RSAD2: variants seen among roughly 807,000 people sequenced by gnomAD.
The protein encoded by RSAD2 is radical S-adenosyl methionine domain containing 2.
Under a neutral mutation model 37.7 loss-of-function variants are expected in RSAD2, and 38 were observed. The ratio of observed to expected loss-of-function variants is 1.01; its 90% confidence interval spans 0.78 to 1.32. The LOEUF (loss-of-function observed/expected upper bound fraction) is 1.32, where lower values mean the gene tolerates loss of function less well. RSAD2 is among the 40% of genes most tolerant of loss of function. RSAD2 has a pLI of 0.00. For synonymous variants in RSAD2, 163 were observed against 157.4 expected, an observed-to-expected ratio of 1.04 and a Z score of -0.27; for missense variants, 428 against 437.5, an observed-to-expected ratio of 0.98 and a Z score of 0.19.
Position 6,878,102 on chromosome 2 carries a change from C to T in RSAD2, c.302C>T (p.Pro101Leu), listed in dbSNP as rs768212420. The change falls in exon 1 of 6, where the codon CCC becomes CTC. Residue 101 changes from proline (P) to leucine (L), a missense_variant. By Grantham distance (98) the Pro-to-Leu change is moderately conservative. Coordinates refer to ENST00000382040, the MANE Select transcript of RSAD2 (RefSeq NM_080657.5). Reference protein sequence around the residue: ...FHTAKTSFVLPLEEAKRGLLL... With the variant: ...FHTAKTSFVLLLEEAKRGLLL... ...ACAGCCAAAACATCCTTTGTGCTGC[C>T]CCTTGAGGAAGCAAAGAGAGGATTG... 77 of 1,614,006 alleles carry T rather than the reference C, an allele frequency of 4.8e-5. No individual in the cohort carries two copies. In the South Asian group the frequency reaches 6.1e-4, roughly 13 times the overall value.
At chr2:6,882,186 C>T (rs954534792) in intron 1 of RSAD2, among the ~76,000 whole-genome samples, 23 of 152,050 alleles carry the variant, frequency 1.5e-4, no homozygotes, top group African/African-American at 4.6e-4. Context: ...TTGTGCCATA[C>T]TGAAATTTGA....
chr2:6,878,188 C>A, intron 1 of RSAD2, 42 bp downstream of exon 1: 1 of 1,552,908 alleles, frequency 6.4e-7, no homozygotes, highest in African/African-American at 1.4e-5. Flanking sequence ...TTCTCAACCA[C>A]TGGGCAGTGG....
At chr2:6,878,356 G>T (rs1052310063) in intron 1 of RSAD2, among the ~76,000 whole-genome samples, 19 of 152,118 alleles carry the variant, frequency 1.2e-4, no homozygotes, top group African/African-American at 4.1e-4. Flanking sequence ...TCACAGAATT[G>T]GGCTGGAACA....
Position 6,896,490 on chromosome 2 carries a change from A to G in RSAD2, c.*548A>G, listed in dbSNP as rs4669114. On this transcript the variant is annotated 3_prime_UTR_variant, in exon 6 of 6. Transcript: ENST00000382040. The stretch of plus-strand genomic sequence containing the variant: ...GATAACCAGTTTTCACATCTGAGAC[A>G]TTACAAAGTATCTGCCTCAATTATT... 0.09 allele frequency: 13,594 copies of G among 150,554 alleles called. 659 individuals carry two copies. The highest frequency in any genetic ancestry group is 0.12 in the South Asian group (576 of 4,778). The allele number at this position is 150,554 out of a possible 1,614,324, so 9.3% of individuals were successfully genotyped here. A position where few individuals can be genotyped will look rare whatever the true frequency, so the allele number is the denominator to read the frequency against.
intron 1 of RSAD2, among the ~76,000 whole-genome samples, chr2:6,868,826 T>A (rs1016520422): frequency 2.0e-5 from 3 of 152,170 alleles, no homozygotes; most frequent in Non-Finnish European, 2.9e-5. Flanking sequence ...CACAGGAGCC[T>A]CAAACCATGA....
At chr2:6,883,148 C>G (rs77576140) in intron 1 of RSAD2, among the ~76,000 whole-genome samples, 1 of 152,162 alleles carries the variant, frequency 6.6e-6, no homozygotes, top group African/African-American at 2.4e-5. Context: ...CTGAGCAAGT[C>G]TATTCATCTG....
chr2:6,881,880 T>C (rs531235346), intron 1 of RSAD2, among the ~76,000 whole-genome samples: 1 of 151,632 alleles, frequency 6.6e-6, no homozygotes, highest in East Asian at 2.0e-4. Flanking sequence ...CCCATCCTCC[T>C]AAAATGCAGG....
In RSAD2 at chr2:6,866,055, T is replaced by C. The variant is rs1039722620; in HGVS notation, c.142+10T>C. The C allele has an allele frequency of 1.7e-5, 5 of 302,544 alleles. No homozygotes were observed. In the Middle Eastern group the frequency reaches 1.6e-3, roughly 100 times the overall value. 18.7% of individuals were successfully genotyped at this position (302,544 alleles called of 1,614,324 possible). ...CGCCGTCGGCCCCAAGGTAGCTCCG[T>C]GTGCGTTCTGCGGGTGGCTGGCGGC... On this transcript the variant is annotated intron_variant, in intron 1 of 5. Transcript: ENST00000442639.
intron 4 of RSAD2, among the ~76,000 whole-genome samples, chr2:6,892,068 T>A (rs777092718): frequency 6.6e-6 from 1 of 152,254 alleles, no homozygotes; most frequent in Non-Finnish European, 1.5e-5. Flanking sequence ...TTCACCTTTA[T>A]AACTTTTTGA....
In RSAD2 at chr2:6,896,981, T is replaced by C. The variant is rs1449061009; in HGVS notation, c.*1039T>C. On this transcript the variant is annotated 3_prime_UTR_variant, in exon 6 of 6. Transcript: ENST00000382040. Reference sequence around the variant, plus strand: ...ATATCCTAAAATCACGCTGGAACCTTGGGCAAGGAAGAATGTGAGCAAGAG... The same window carrying C: ...ATATCCTAAAATCACGCTGGAACCTCGGGCAAGGAAGAATGTGAGCAAGAG... The C allele has an allele frequency of 2.0e-5, 3 of 152,194 alleles. No homozygotes were observed. The highest frequency in any genetic ancestry group is 1.3e-4 in the Admixed American group (2 of 15,274). The allele number at this position is 152,194 out of a possible 1,614,324, so 9.4% of individuals were successfully genotyped here.
At chr2:6,889,128 G>A (rs1012778823) in intron 3 of RSAD2, among the ~76,000 whole-genome samples, 4 of 152,038 alleles carry the variant, frequency 2.6e-5, no homozygotes, top group African/African-American at 9.7e-5. Context: ...AAAGTCCCTG[G>A]AAAAAAATGC....
intron 4 of RSAD2, among the ~76,000 whole-genome samples, 188 bp from the exon 5 acceptor site, chr2:6,893,483 T>C (rs1663670874): frequency 6.6e-6 from 1 of 152,214 alleles, no homozygotes; most frequent in Non-Finnish European, 1.5e-5. Context: ...AGGCCTGCTG[T>C]GATCTGTTGA....
intron 1 of RSAD2, chr2:6,878,800 G>A: frequency 1.7e-6 from 2 of 1,190,960 alleles, no homozygotes; most frequent in Non-Finnish European, 2.1e-6. Context: ...TTCCGTCCTT[G>A]TCTTCCTGTC....
intron 3 of RSAD2, among the ~76,000 whole-genome samples, chr2:6,887,695 T>G (rs974369486): frequency 1.6e-4 from 25 of 152,238 alleles, no homozygotes; most frequent in African/African-American, 4.1e-4. Context: ...TCCCACTCTG[T>G]GCAGACATCA....
chr2:6,890,280 G>A lies in RSAD2; in HGVS notation c.843G>A (p.Glu281=), dbSNP rs1277868927. Residue 281 remains glutamate (E), a synonymous_variant, in exon 4 of 6, where the codon GAG becomes GAA. Coordinates refer to ENST00000382040, the MANE Select transcript of RSAD2 (RefSeq NM_080657.5). ...ATGAAGAATTTGAAAGATTCTTGGA[G>A]CGCCACAAAGAAGTGTCCTGCTTGG... The part of the protein sequence containing the change: ...IGDEEFERFL[E]RHKEVSCLVP... 6 of 1,614,208 alleles carry A rather than the reference G, an allele frequency of 3.7e-6. No homozygotes were observed. Among genetic ancestry groups the A allele is most frequent in the Non-Finnish European group, 5.1e-6 (6 of 1,180,030 alleles).
chr2:6,896,029 T>C lies in RSAD2; in HGVS notation c.*87T>C. 7.4e-7 allele frequency: 1 copy of C among 1,347,872 alleles called. No homozygotes were observed. Among genetic ancestry groups the C allele is most frequent in the South Asian group, 1.5e-5 (1 of 66,922 alleles). 83.5% of individuals were successfully genotyped at this position (1,347,872 alleles called of 1,614,324 possible). On this transcript the variant is annotated 3_prime_UTR_variant, in exon 6 of 6. Coordinates refer to ENST00000382040, the MANE Select transcript of RSAD2 (RefSeq NM_080657.5). Reference sequence around the variant, plus strand: ...GTCTGCAATACTATCCCGTTGGTATTTCCCAGTGGCTGAAAACCTGATTTT... The same window carrying C: ...GTCTGCAATACTATCCCGTTGGTATCTCCCAGTGGCTGAAAACCTGATTTT...
intron 4 of RSAD2, among the ~76,000 whole-genome samples, chr2:6,892,718 C>T (rs186433844): frequency 6.6e-6 from 1 of 152,246 alleles, no homozygotes; most frequent in Admixed American, 6.5e-5. Flanking sequence ...CCACTCTGCA[C>T]CTTGAACTAG....
At chr2:6,881,312 T>A (rs1456948888) in intron 1 of RSAD2, among the ~76,000 whole-genome samples, 1 of 152,210 alleles carries the variant, frequency 6.6e-6, no homozygotes. Context: ...CATAGAGACA[T>A]CTGAGAGTGA....
At chr2:6,873,750 T>G (rs917210137), upstream of RSAD2, among the ~76,000 whole-genome samples, 6 of 152,220 alleles carry the variant, frequency 3.9e-5, no homozygotes, top group African/African-American at 1.4e-4. Flanking sequence ...ATCAAAACCC[T>G]AAATTAAGCC....
Sources: allele counts gnomAD v4.1 joint callset (sites outside exome capture counted in the v4.1 genomes callset), GRCh38; gene constraint gnomAD v4.1.1; transcripts MANE v1.5; gene names NCBI Gene and HGNC (gene_info 2026-07-23, HGNC 2026-07-21).